ZHX3: variants seen among roughly 807,000 people sequenced by gnomAD.
The protein encoded by ZHX3 is zinc fingers and homeoboxes protein 3.
In ZHX3, 20 loss-of-function variants were observed where a neutral mutation model predicts 64.5. The ratio of observed to expected loss-of-function variants is 0.31; its 90% confidence interval spans 0.22 to 0.45. ZHX3 has a LOEUF of 0.45. Ranked by LOEUF, ZHX3 falls within the 20% of genes least tolerant of loss-of-function variation. The pLI is 1.00. For missense variants in ZHX3, 1,041 were observed against 1,195.8 expected (o/e 0.87, Z 1.91); for synonymous variants, 423 against 461.6 (o/e 0.92, Z 1.07).
At chr20:41,238,532 T>A (rs921281714) in intron 2 of ZHX3, among the ~76,000 whole-genome samples, 1 of 152,124 alleles carries the variant, frequency 6.6e-6, no homozygotes, top group African/African-American at 2.4e-5. Flanking sequence ...TTTGGACAAA[T>A]TTACATGATG....
At chr20:41,268,300 C>CTTTA (rs1455451506) in intron 2 of ZHX3, among the ~76,000 whole-genome samples, 1 of 152,108 alleles carries the variant, frequency 6.6e-6, no homozygotes, top group Admixed American at 6.5e-5. Context: ...AAAAGACATG[C>CTTTA]TTTATTTAAA....
chr20:41,292,595 C>G (rs527813175), intron 1 of ZHX3, among the ~76,000 whole-genome samples: 4 of 152,176 alleles, frequency 2.6e-5, no homozygotes, highest in African/African-American at 9.6e-5. Context: ...TGCTCATCTA[C>G]GATTCAAAAG....
rs369311082 is a variant in ZHX3, at chr20:41,199,563, GA to G, written c.2860+2493del. ...CTGGCTTGCCAAAAGGAGGAATAAA[GA>G]AAAAAAAAAATAGGTACTGTCTCTT... On this transcript the variant is annotated intron_variant, in intron 3 of 3. Transcript: ENST00000683867. Among the ~76,000 whole-genome samples, 289 of 143,290 alleles carry G rather than the reference GA, an allele frequency of 2.0e-3. 1 individual carries two copies. Among genetic ancestry groups the G allele is most frequent in the South Asian group, 9.3e-3 (42 of 4,524 alleles). 94.0% of individuals were successfully genotyped at this position (143,290 alleles called of 152,430 possible).
At chr20:41,300,998 A>G (rs962313484) in intron 1 of ZHX3, among the ~76,000 whole-genome samples, 1 of 152,312 alleles carries the variant, frequency 6.6e-6, no homozygotes, top group East Asian at 1.9e-4. Context: ...CAAAGGGCCT[A>G]AGGTGCCCTT....
intron 1 of ZHX3, among the ~76,000 whole-genome samples, chr20:41,299,412 G>GA (rs1410399218): frequency 1.3e-5 from 2 of 151,890 alleles, no homozygotes; most frequent in African/African-American, 4.8e-5. Flanking sequence ...ACTAAACATT[G>GA]AAAAAAATCA....
intron 2 of ZHX3, among the ~76,000 whole-genome samples, chr20:41,242,000 T>C (rs914731516): frequency 1.3e-5 from 2 of 152,134 alleles, no homozygotes; most frequent in Non-Finnish European, 2.9e-5. Flanking sequence ...TGTGTGTGTG[T>C]GTACATGTGT....
intron 2 of ZHX3, among the ~76,000 whole-genome samples, chr20:41,208,852 A>G (rs900454031): frequency 6.6e-6 from 1 of 152,226 alleles, no homozygotes; most frequent in African/African-American, 2.4e-5. Flanking sequence ...GCAATCAGGC[A>G]GGAGAAAGAA....
At chr20:41,311,448 T>C (rs970854081) in intron 1 of ZHX3, among the ~76,000 whole-genome samples, 1 of 152,268 alleles carries the variant, frequency 6.6e-6, no homozygotes, top group East Asian at 1.9e-4. Flanking sequence ...ACTATCTATA[T>C]GCTTTGGCAT....
At chr20:41,210,718 A>C (rs1052106956) in intron 2 of ZHX3, among the ~76,000 whole-genome samples, 2 of 152,162 alleles carry the variant, frequency 1.3e-5, no homozygotes, top group African/African-American at 4.8e-5. Context: ...GAGGGACAGC[A>C]TTAGGAGATA....
intron 1 of ZHX3, among the ~76,000 whole-genome samples, chr20:41,273,971 T>C (rs2146646951): frequency 6.6e-6 from 1 of 152,338 alleles, no homozygotes; most frequent in African/African-American, 2.4e-5. Context: ...CATGGATGTC[T>C]TTCCATTCTA....
chr20:41,216,303 T>A (rs2039529766), intron 2 of ZHX3, among the ~76,000 whole-genome samples: 1 of 152,216 alleles, frequency 6.6e-6, no homozygotes, highest in Admixed American at 6.5e-5. Flanking sequence ...TGTTTCAAAT[T>A]ATGCTCTAAG....
intron 1 of ZHX3, among the ~76,000 whole-genome samples, chr20:41,291,234 C>T (rs1212551849): frequency 2.6e-5 from 4 of 152,124 alleles, no homozygotes; most frequent in Non-Finnish European, 5.9e-5. Context: ...TGCATAAATT[C>T]AAGGTCAGTA....
At position 41,295,701 on chromosome 20, in the gene ZHX3, G is replaced by A. The variant is rs191005980; in HGVS notation, c.-245+21808C>T. Among the ~76,000 whole-genome samples, 1,186 of 151,962 alleles carry A rather than the reference G, an allele frequency of 7.8e-3. 11 individuals carry two copies. The highest frequency in any genetic ancestry group is 0.027 in the African/African-American group (1,123 of 41,456). On this transcript the variant is annotated intron_variant, in intron 1 of 3. Transcript: ENST00000683867. ...CCATCTCTACTAAAAATACAAAAAA[G>A]TTAGCCAGGCGTGGTAGCGGGCACC...
At chr20:41,290,266 A>T (rs1176947502) in intron 1 of ZHX3, 1 of 152,116 alleles carries the variant, frequency 6.6e-6, no homozygotes, top group African/African-American at 2.4e-5. Context: ...AACAGAATAG[A>T]TTTTATTTCT....
intron 1 of ZHX3, among the ~76,000 whole-genome samples, chr20:41,276,733 G>A (rs1458616407): frequency 6.6e-6 from 1 of 152,156 alleles, no homozygotes; most frequent in Non-Finnish European, 1.5e-5. Context: ...TTAACTGCAG[G>A]GCAAGTGCTT....
chr20:41,224,807 T>G lies in ZHX3; in HGVS notation c.-150-19741A>C, dbSNP rs1179559865. On this transcript the variant is annotated intron_variant, in intron 2 of 3. Coordinates refer to ENST00000683867, the MANE Select transcript of ZHX3 (RefSeq NM_001384317.1). This position sits in a 1 kb window ranked among gnomAD's most constrained non-coding sequence, Gnocchi z 5.2. ...CTTAAGAAAGGAATGTTAGACTTTCTCTGAACATCCTATCTAAATGTCTTT... is the reference window on the plus strand; with the variant it reads ...CTTAAGAAAGGAATGTTAGACTTTCGCTGAACATCCTATCTAAATGTCTTT... 2.6e-5 allele frequency among the ~76,000 whole-genome samples: 4 copies of G among 152,260 alleles called. No homozygotes were observed. Among genetic ancestry groups the G allele is most frequent in the African/African-American group, 9.6e-5 (4 of 41,472 alleles).
At chr20:41,301,686 G>A (rs2044812991) in intron 1 of ZHX3, among the ~76,000 whole-genome samples, 1 of 151,990 alleles carries the variant, frequency 6.6e-6, no homozygotes. Flanking sequence ...CCACCATTTT[G>A]TGCAAATAAA....
At chr20:41,236,474 A>G (rs2040998897) in intron 2 of ZHX3, among the ~76,000 whole-genome samples, 2 of 152,234 alleles carry the variant, frequency 1.3e-5, no homozygotes, top group Non-Finnish European at 2.9e-5. Flanking sequence ...CCACATATCT[A>G]CAACCATCTG....
At chr20:41,237,303 C>G (rs943202115) in intron 2 of ZHX3, among the ~76,000 whole-genome samples, 1 of 152,186 alleles carries the variant, frequency 6.6e-6, no homozygotes, top group African/African-American at 2.4e-5. Flanking sequence ...GCTATAAAGA[C>G]ACATGCACAT....
Sources: allele counts gnomAD v4.1 joint callset (sites outside exome capture counted in the v4.1 genomes callset), GRCh38; gene constraint gnomAD v4.1.1; non-coding constraint Gnocchi (gnomAD v3.1); transcripts MANE v1.5; gene names NCBI Gene and HGNC (gene_info 2026-07-23, HGNC 2026-07-21).